The following CCS variants were observed in gnomAD, a reference collection of about 807,000 sequenced individuals.
CCS encodes the protein superoxide dismutase copper chaperone.
In CCS, 32 loss-of-function variants were observed where a neutral mutation model predicts 35.5. The observed-to-expected ratio is 0.90, with a 90% CI of 0.68 to 1.21. The LOEUF is 1.21. Among genes scored for constraint, CCS ranks in the 50% most tolerant of loss-of-function variants. The pLI is 0.00. For synonymous variants in CCS, 130 were observed against 147.2 expected, an observed-to-expected ratio of 0.88 and a Z score of 0.84; for missense variants, 342 against 375.4, an observed-to-expected ratio of 0.91 and a Z score of 0.73.
intron 2 of CCS, among the ~76,000 whole-genome samples, chr11:66,594,794 A>AAC (rs1565321790): frequency 2.0e-5 from 3 of 151,324 alleles, no homozygotes; most frequent in Non-Finnish European, 1.5e-5. Flanking sequence ...AAAAAAAAAA[A>AAC]CAAGTTCACC....
intron 2 of CCS, among the ~76,000 whole-genome samples, chr11:66,596,350 C>T (rs576086903): frequency 2.6e-4 from 39 of 150,698 alleles, no homozygotes; most frequent in African/African-American, 7.3e-4. Context: ...TATGGGTGTG[C>T]GCCACCACGC....
intron 2 of CCS, among the ~76,000 whole-genome samples, chr11:66,596,797 G>A (rs750745957): frequency 2.6e-5 from 4 of 152,208 alleles, no homozygotes; most frequent in Non-Finnish European, 5.9e-5. Flanking sequence ...ACAGGAGGGG[G>A]AGTGTGAGCT....
At chr11:66,601,881 T>C (rs2134983764) in intron 5 of CCS, among the ~76,000 whole-genome samples, 1 of 146,574 alleles carries the variant, frequency 6.8e-6, no homozygotes, top group Middle Eastern at 3.6e-3. Flanking sequence ...CTCTGCCACA[T>C]TTTTTTTTTT....
chr11:66,605,680 CT>C (rs779503034), intron 7 of CCS, 21 bp from the exon 8 acceptor site: 6 of 1,575,888 alleles, frequency 3.8e-6, no homozygotes, highest in Admixed American at 1.8e-5. Flanking sequence ...GTACCCACCC[CT>C]GACCACACAT....
rs1858417595 is a variant in CCS at position 66,593,447 on chromosome 11, G to A, written c.39+147G>A. ...GAAACTAGGGTGCGAGGGTAGCAGG[G>A]GCCCTGCGTGAGTGTTGGGGGGTGA... is the stretch of plus-strand genomic sequence containing the variant. On this transcript the variant is annotated intron_variant, in intron 1 of 7. Transcript: ENST00000533244. 5 of 993,406 alleles carry A rather than the reference G, an allele frequency of 5.0e-6. No individual in the cohort carries two copies. The South Asian group carries it at 6.4e-5, about 13-fold the overall frequency. 61.5% of individuals were successfully genotyped at this position (993,406 alleles called of 1,614,324 possible). A position where few individuals can be genotyped will look rare whatever the true frequency, so the allele number is the denominator to read the frequency against.
At chr11:66,601,453 C>G (rs1286630671) in intron 5 of CCS, among the ~76,000 whole-genome samples, 1 of 152,188 alleles carries the variant, frequency 6.6e-6, no homozygotes, top group Admixed American at 6.5e-5. Context: ...CAATTGAAAC[C>G]ATGGTATGTG....
At chr11:66,604,229 C>G (rs1022490054) in intron 5 of CCS, among the ~76,000 whole-genome samples, 8 of 151,868 alleles carry the variant, frequency 5.3e-5, no homozygotes, top group Non-Finnish European at 1.0e-4. Flanking sequence ...GACTTTGTAT[C>G]AAAACAAAAC....
rs565726095 is a variant in CCS, at chr11:66,598,826, C to T, written c.113-290C>T. Among the ~76,000 whole-genome samples, 22 of 151,928 alleles carry T rather than the reference C, an allele frequency of 1.4e-4. No individual in the cohort carries two copies. The East Asian group carries it at 4.3e-3, about 29-fold the overall frequency. On this transcript the variant is annotated intron_variant, in intron 2 of 7. Transcript: ENST00000533244. Reference sequence around the variant, plus strand: ...GCCCACTTAAAAAAAAAACAAAACACTGCTTTAAAAAGAATGATGTATGTT... The same window carrying T: ...GCCCACTTAAAAAAAAAACAAAACATTGCTTTAAAAAGAATGATGTATGTT...
At chr11:66,593,545 C>T in intron 1 of CCS, 97 bp from the exon 2 acceptor site, 1 of 1,307,558 alleles carries the variant, frequency 7.6e-7, no homozygotes, top group Non-Finnish European at 1.1e-6. Context: ...GGGGCTTGTT[C>T]CCAGACCCTT....
In CCS at chr11:66,605,932, T is replaced by C. The variant is rs1033983953; in HGVS notation, c.*77T>C. 7.1e-7 allele frequency: 1 copy of C among 1,408,706 alleles called. No individual in the cohort carries two copies. The highest frequency in any genetic ancestry group is 9.3e-7 in the Non-Finnish European group (1 of 1,074,666). 87.3% of individuals were successfully genotyped at this position (1,408,706 alleles called of 1,614,324 possible). On this transcript the variant is annotated 3_prime_UTR_variant, in exon 8 of 8. Transcript: ENST00000533244. ...CTTCCAGAGGGGGCCAGAGGGACTT[T>C]GCCTGCCCAGTCTTTGGAGAGCTCA...
At chr11:66,595,749 TAACTC>T (rs762043820) in intron 2 of CCS, among the ~76,000 whole-genome samples, 14 of 152,126 alleles carry the variant, frequency 9.2e-5, no homozygotes, top group South Asian at 2.1e-4. Flanking sequence ...CTACCAGTCT[TAACTC>T]AAGGAGCAAA....
intron 5 of CCS, among the ~76,000 whole-genome samples, chr11:66,601,090 G>C (rs917537159): frequency 9.2e-5 from 14 of 152,008 alleles, no homozygotes; most frequent in African/African-American, 3.1e-4. Context: ...CAATCATTTG[G>C]TTTTTTTATT....
rs201630725 is a variant in CCS, at chr11:66,599,515, G to T, written c.307G>T (p.Val103Leu). 1 of 1,584,686 alleles carries T rather than the reference G, an allele frequency of 6.3e-7. No individual in the cohort carries two copies. The highest frequency in any genetic ancestry group is 8.6e-7 in the Non-Finnish European group (1 of 1,166,902). Residue 103 changes from valine (V) to leucine (L), a missense_variant, in exon 4 of 8, where the codon GTG becomes TTG. Physicochemically the swap from Val to Leu is conservative, Grantham distance 32 (BLOSUM62 1). Coordinates refer to ENST00000533244, the MANE Select transcript of CCS (RefSeq NM_005125.2). ...LGGPGTVQGVVRFLQLTPERC... is the reference protein window; with the variant it reads ...LGGPGTVQGVLRFLQLTPERC... The stretch of plus-strand genomic sequence containing the variant: ...GGGGCCTGGCACCGTGCAGGGGGTG[G>T]TGCGCTTCCTACAGCTGACCCCTGA...
intron 5 of CCS, 114 bp downstream of exon 5, chr11:66,600,663 C>T (rs1442882420): frequency 7.7e-6 from 4 of 517,998 alleles, no homozygotes; most frequent in Non-Finnish European, 1.0e-5. Context: ...GGAGTCTTTT[C>T]CTCTCATTTT....
Position 66,602,895 on chromosome 11 carries a change from C to G in CCS, c.489+2346C>G, listed in dbSNP as rs562210455. ...GCAAGTTGCTGTTGGGTTTTAGCATCTGCTTTTCCCAGGTGGAAAAGAATT... is the reference window on the plus strand; with the variant it reads ...GCAAGTTGCTGTTGGGTTTTAGCATGTGCTTTTCCCAGGTGGAAAAGAATT... On this transcript the variant is annotated intron_variant, in intron 5 of 7. Coordinates refer to ENST00000533244, the MANE Select transcript of CCS (RefSeq NM_005125.2). 2.0e-5 allele frequency among the ~76,000 whole-genome samples: 3 copies of G among 152,374 alleles called. No individual in the cohort carries two copies. The South Asian group carries it at 6.2e-4, about 32-fold the overall frequency.
chr11:66,604,149 G>T (rs1858615662), intron 5 of CCS, among the ~76,000 whole-genome samples: 1 of 151,994 alleles, frequency 6.6e-6, no homozygotes, highest in African/African-American at 2.4e-5. Context: ...AGAATTGCTT[G>T]AACCCGGGAA....
chr11:66,595,228 C>T lies in CCS; in HGVS notation c.112+1514C>T, dbSNP rs183139422. Reference sequence around the variant, plus strand: ...AAGTCTTTGGCATGTAATAACAGCCCAGTAAATCCTAGGGGATTATGAGAA... The same window carrying T: ...AAGTCTTTGGCATGTAATAACAGCCTAGTAAATCCTAGGGGATTATGAGAA... On this transcript the variant is annotated intron_variant, in intron 2 of 7. Transcript: ENST00000533244. 4.6e-5 allele frequency among the ~76,000 whole-genome samples: 7 copies of T among 152,192 alleles called. No individual in the cohort carries two copies. In the East Asian group the frequency reaches 1.2e-3, roughly 25 times the overall value.
At chr11:66,604,403 G>C (rs1858621009) in intron 5 of CCS, among the ~76,000 whole-genome samples, 1 of 152,154 alleles carries the variant, frequency 6.6e-6, no homozygotes, top group African/African-American at 2.4e-5. Flanking sequence ...ACTTCTTCCT[G>C]CCCATCAGTT....
Position 66,593,740 on chromosome 11 carries a change from A to C in CCS, c.112+26A>C, listed in dbSNP as rs79152198. ...GTAAGAACAGGGTAAACTTTTCTGC[A>C]GACAGTCCAGAAGCCTCTGGGAGGG... On this transcript the variant is annotated intron_variant, in intron 2 of 7. Transcript: ENST00000533244. 2,739 of 1,606,770 alleles carry C rather than the reference A, an allele frequency of 1.7e-3. 42 individuals carry two copies. The African/African-American group carries it at 0.031, about 18-fold the overall frequency.
Sources: allele counts gnomAD v4.1 joint callset (sites outside exome capture counted in the v4.1 genomes callset), GRCh38; gene constraint gnomAD v4.1.1; transcripts MANE v1.5; gene names NCBI Gene and HGNC (gene_info 2026-07-23, HGNC 2026-07-21).